The following DIP2B variants were observed in gnomAD, a reference collection of about 807,000 sequenced individuals.
DIP2B encodes the protein disco-interacting protein 2 homolog B.
Under a neutral mutation model 198.0 loss-of-function variants are expected in DIP2B, and 76 were observed. That is an observed-to-expected ratio of 0.38 (90% CI 0.32 to 0.46). DIP2B has a LOEUF of 0.46. DIP2B is among the 20% of genes least tolerant of loss of function. The pLI is 0.99. For synonymous variants in DIP2B, 701 were observed against 739.1 expected, an observed-to-expected ratio of 0.95 and a Z score of 0.84; for missense variants, 1,559 against 1,978.4, an observed-to-expected ratio of 0.79 and a Z score of 4.02.
At chr12:50,690,918 A>C (rs1939212413) in intron 12 of DIP2B, 131 bp from the exon 13 acceptor site, 1 of 686,010 alleles carries the variant, frequency 1.5e-6, no homozygotes, top group African/African-American at 1.8e-5. Context: ...ATTGCCTTAA[A>C]TATTCATATT....
rs1402188035 is a variant in DIP2B at position 50,560,729 on chromosome 12, C to T, written c.100+55489C>T. ...TTGCGCCACTGCGCTCCAGCCTGGG[C>T]GACAGAGTGAGACCCTGTCTCAAAA... On this transcript the variant is annotated intron_variant, in intron 1 of 37. Transcript: ENST00000301180. 6.6e-5 allele frequency among the ~76,000 whole-genome samples: 10 copies of T among 151,924 alleles called. No homozygotes were observed. In the South Asian group the frequency reaches 1.9e-3, roughly 28 times the overall value.
intron 1 of DIP2B, among the ~76,000 whole-genome samples, chr12:50,595,635 G>A (rs987248848): frequency 2.0e-5 from 3 of 152,128 alleles, no homozygotes; most frequent in South Asian, 4.1e-4. Flanking sequence ...TATCAAGTAC[G>A]TCAAGATTAT....
chr12:50,588,690 G>T (rs922184579), intron 1 of DIP2B, among the ~76,000 whole-genome samples: 1 of 152,104 alleles, frequency 6.6e-6, no homozygotes, highest in Non-Finnish European at 1.5e-5. Flanking sequence ...TCTTAACCCA[G>T]CTGCTGGATT....
chr12:50,539,444 C>T (rs1192910556), intron 1 of DIP2B, among the ~76,000 whole-genome samples: 1 of 151,632 alleles, frequency 6.6e-6, no homozygotes, highest in Non-Finnish European at 1.5e-5. Flanking sequence ...ATGGTGAAAC[C>T]CCGTCTCTAC....
chr12:50,704,923 G>C (rs1939486987), intron 20 of DIP2B, among the ~76,000 whole-genome samples: 1 of 151,928 alleles, frequency 6.6e-6, no homozygotes, highest in Non-Finnish European at 1.5e-5. Context: ...GCTCCAGCCT[G>C]GGCAACAGAG....
At chr12:50,654,495 C>T (rs1396273540) in intron 3 of DIP2B, among the ~76,000 whole-genome samples, 1 of 151,992 alleles carries the variant, frequency 6.6e-6, no homozygotes, top group Non-Finnish European at 1.5e-5. Context: ...GCTGGCCCTA[C>T]AGGCACATGC....
intron 1 of DIP2B, among the ~76,000 whole-genome samples, chr12:50,526,439 T>C (rs1958165464): frequency 6.6e-6 from 1 of 152,208 alleles, no homozygotes; most frequent in Admixed American, 6.5e-5. Context: ...TCAGTCTGCC[T>C]GACTACTTTG....
At chr12:50,686,931 G>C in intron 12 of DIP2B, 1 of 354,108 alleles carries the variant, frequency 2.8e-6, no homozygotes, top group South Asian at 6.0e-5. Context: ...AGTTACAAAA[G>C]ACTTTAGGGA....
intron 37 of DIP2B, among the ~76,000 whole-genome samples, chr12:50,743,370 C>T (rs993214368): frequency 3.5e-4 from 53 of 152,274 alleles, no homozygotes; most frequent in African/African-American, 1.3e-3. Flanking sequence ...CGTGAGCCAC[C>T]GCACCCAACT....
intron 18 of DIP2B, among the ~76,000 whole-genome samples, chr12:50,698,709 G>A (rs774230692): frequency 6.6e-6 from 1 of 152,214 alleles, no homozygotes; most frequent in East Asian, 1.9e-4. Flanking sequence ...CAAATACTGA[G>A]AGATGTTAAA....
chr12:50,566,668 T>C (rs917857621), intron 1 of DIP2B, among the ~76,000 whole-genome samples: 1 of 152,050 alleles, frequency 6.6e-6, no homozygotes, highest in African/African-American at 2.4e-5. Context: ...TCTTTTTCTG[T>C]TCTTGAAATT....
intron 1 of DIP2B, among the ~76,000 whole-genome samples, chr12:50,561,829 G>A (rs1292939442): frequency 5.3e-5 from 8 of 152,090 alleles, no homozygotes; most frequent in Non-Finnish European, 1.2e-4. Flanking sequence ...GGGTGGTCTC[G>A]AACTTCTGGC....
rs531073297 is a variant in DIP2B at position 50,577,705 on chromosome 12, C to G, written c.101-48271C>G. Reference sequence around the variant, plus strand: ...AGCAGTTTTACCTTTCTGTGAATCTCTTTAGTGTCTGGATTCTTATAAATG... The same window carrying G: ...AGCAGTTTTACCTTTCTGTGAATCTGTTTAGTGTCTGGATTCTTATAAATG... On this transcript the variant is annotated intron_variant, in intron 1 of 37. Transcript: ENST00000301180. Among the ~76,000 whole-genome samples, 6 of 151,512 alleles carry G rather than the reference C, an allele frequency of 4.0e-5. No homozygotes were observed. The South Asian group carries it at 1.2e-3, about 31-fold the overall frequency.
intron 1 of DIP2B, among the ~76,000 whole-genome samples, chr12:50,550,718 A>G (rs549724985): frequency 1.9e-4 from 29 of 152,298 alleles, no homozygotes; most frequent in African/African-American, 6.5e-4. Context: ...GCAGTTAGTA[A>G]ATACTACTGT....
intron 13 of DIP2B, 43 bp downstream of exon 13, chr12:50,691,194 G>T: frequency 6.5e-7 from 1 of 1,544,850 alleles, no homozygotes; most frequent in Non-Finnish European, 8.9e-7. Flanking sequence ...TACCTTCAGA[G>T]ATGTGTGACT....
intron 7 of DIP2B, among the ~76,000 whole-genome samples, chr12:50,678,025 G>A (rs1464735880): frequency 2.0e-5 from 3 of 151,096 alleles, no homozygotes; most frequent in Non-Finnish European, 4.4e-5. Flanking sequence ...CAGAGAATGT[G>A]CTGTTTCAGC....
chr12:50,537,657 A>G lies in DIP2B; in HGVS notation c.100+32417A>G, dbSNP rs974507932. Among the ~76,000 whole-genome samples, 4 of 152,158 alleles carry G rather than the reference A, an allele frequency of 2.6e-5. No individual in the cohort carries two copies. The East Asian group carries it at 7.7e-4, about 29-fold the overall frequency. On this transcript the variant is annotated intron_variant, in intron 1 of 37. Coordinates refer to ENST00000301180, the MANE Select transcript of DIP2B (RefSeq NM_173602.3). ...TTTGGGCATCATCTTCATGTGATTC[A>G]TCAGGTGAATCAGATCTTTGAAAAG...
chr12:50,624,141 G>T (rs772382653), intron 1 of DIP2B, among the ~76,000 whole-genome samples: 3 of 152,158 alleles, frequency 2.0e-5, no homozygotes, highest in Non-Finnish European at 2.9e-5. Context: ...ATTACTCTAA[G>T]AGGATTGTAT....
intron 1 of DIP2B, among the ~76,000 whole-genome samples, chr12:50,521,994 T>C (rs1323829828): frequency 1.3e-5 from 2 of 151,382 alleles, no homozygotes; most frequent in Non-Finnish European, 2.9e-5. Context: ...TATTTTATTA[T>C]TGTATATTTT....
Sources: gnomAD v4.1 joint callset for allele counts (sites outside exome capture counted in the v4.1 genomes callset) on GRCh38, gnomAD v4.1.1 for gene constraint, MANE v1.5 for transcripts, NCBI Gene and HGNC (gene_info 2026-07-23, HGNC 2026-07-21) for gene names.